Variants in ESYT3 observed in about 807,000 individuals in gnomAD.
ESYT3 encodes extended synaptotagmin-3.
In ESYT3, 101 loss-of-function variants were observed where a neutral mutation model predicts 111.5. The ratio of observed to expected loss-of-function variants is 0.91; its 90% confidence interval spans 0.77 to 1.07. The LOEUF is 1.07. ESYT3 is among the 50% of genes least tolerant of loss of function. The pLI, the probability that ESYT3 is intolerant of heterozygous loss-of-function variation, is 0.00. For missense variants in ESYT3, 1,097 were observed against 1,109.4 expected, an observed-to-expected ratio of 0.99 and a Z score of 0.16; for synonymous variants, 416 against 446.8, an observed-to-expected ratio of 0.93 and a Z score of 0.87.
intron 19 of ESYT3, 41 bp from the exon 20 acceptor site, chr3:138,474,180 G>GC (rs751354037): frequency 1.5e-5 from 24 of 1,578,564 alleles, no homozygotes; most frequent in African/African-American, 5.7e-5. Context: ...GAAAACCAGG[G>GC]CCCTTTTTTT....
At chr3:138,442,290 T>C (rs1048120828) in intron 1 of ESYT3, among the ~76,000 whole-genome samples, 5 of 152,178 alleles carry the variant, frequency 3.3e-5, no homozygotes, top group Non-Finnish European at 7.4e-5. Context: ...CTTAAAAACT[T>C]GTACTTTTTT....
chr3:138,462,506 A>G (rs2032704042), intron 8 of ESYT3: 2 of 525,562 alleles, frequency 3.8e-6, no homozygotes, highest in Non-Finnish European at 3.4e-6. Flanking sequence ...CTCCATTTTT[A>G]GGGTTTTATA....
intron 19 of ESYT3, 147 bp downstream of exon 19, chr3:138,473,781 C>A: frequency 1.4e-6 from 1 of 725,318 alleles, no homozygotes; most frequent in Non-Finnish European, 2.2e-6. Context: ...GGCCTGAACA[C>A]TGTAATCAAG....
In ESYT3 at chr3:138,464,376, A is replaced by G; in HGVS notation, c.947A>G (p.Glu316Gly). Residue 316 changes from glutamate (E) to glycine (G), a missense_variant, in exon 9 of 23, where the codon GAG becomes GGG. By Grantham distance (98) the Glu-to-Gly change is moderately conservative. Transcript: ENST00000389567. ...GVIRVHLLEAEQLAQKDNFLG... is the reference protein window; with the variant it reads ...GVIRVHLLEAGQLAQKDNFLG... The stretch of plus-strand genomic sequence containing the variant: ...ATCAGAGTGCACTTGCTGGAGGCAG[A>G]GCAGCTGGCCCAGAAGGACAACTTT... The G allele has an allele frequency of 6.2e-7, 1 of 1,614,158 alleles. No homozygotes were observed. The highest frequency in any genetic ancestry group is 8.5e-7 in the Non-Finnish European group (1 of 1,179,976).
At position 138,471,043 on chromosome 3, in the gene ESYT3, C is replaced by T. The variant is rs1156420275; in HGVS notation, c.1740+17C>T. ...GTGCTTCGGGTAAATCTCTCCGGTC[C>T]CCTGGGGGAGGGGAGGAATAGAGCT... On this transcript the variant is annotated intron_variant, in intron 17 of 22. Transcript: ENST00000389567. The T allele has an allele frequency of 3.1e-6, 5 of 1,607,030 alleles. No individual in the cohort carries two copies. The highest frequency in any genetic ancestry group is 4.3e-6 in the Non-Finnish European group (5 of 1,174,568).
chr3:138,458,307 G>A (rs2032411554), intron 4 of ESYT3, among the ~76,000 whole-genome samples: 1 of 152,210 alleles, frequency 6.6e-6, no homozygotes, highest in African/African-American at 2.4e-5. Context: ...CCCATTTAGG[G>A]GCTGGTCCCA....
chr3:138,460,481 G>A, intron 6 of ESYT3, 130 bp from the exon 7 acceptor site: 1 of 984,842 alleles, frequency 1.0e-6, no homozygotes, highest in Non-Finnish European at 1.6e-6. Flanking sequence ...TGCTCTGCCT[G>A]CTTTCCTCCG....
intron 1 of ESYT3, among the ~76,000 whole-genome samples, chr3:138,451,324 T>C (rs926487783): frequency 2.0e-5 from 3 of 152,038 alleles, no homozygotes; most frequent in African/African-American, 7.2e-5. Flanking sequence ...GGAGCCAAGG[T>C]GGGCAGAGGT....
intron 17 of ESYT3, 78 bp from the exon 18 acceptor site, chr3:138,472,285 A>ATTTC (rs1350907717): frequency 6.5e-7 from 1 of 1,540,930 alleles, no homozygotes; most frequent in Admixed American, 2.0e-5. Flanking sequence ...ACTGAGGGGA[A>ATTTC]AGGGGGAACG....
At chr3:138,446,495 C>A (rs185418976) in intron 1 of ESYT3, among the ~76,000 whole-genome samples, 28 of 152,182 alleles carry the variant, frequency 1.8e-4, no homozygotes, top group Non-Finnish European at 3.4e-4. Context: ...ATGCAACTGG[C>A]CAAGTCTTGA....
chr3:138,472,993 G>A, intron 18 of ESYT3, 134 bp downstream of exon 18: 6 of 1,501,564 alleles, frequency 4.0e-6, no homozygotes, highest in Non-Finnish European at 1.8e-6. Context: ...GAGGCAGCAT[G>A]GTGTGGTAGA....
intron 1 of ESYT3, among the ~76,000 whole-genome samples, chr3:138,438,241 G>C (rs1455657885): frequency 6.6e-6 from 1 of 152,140 alleles, no homozygotes; most frequent in Non-Finnish European, 1.5e-5. Flanking sequence ...GACCTCCTTT[G>C]GTATCAAGAA....
At chr3:138,453,846 T>C (rs1043398206) in intron 2 of ESYT3, among the ~76,000 whole-genome samples, 3 of 152,198 alleles carry the variant, frequency 2.0e-5, no homozygotes, top group Non-Finnish European at 2.9e-5. Flanking sequence ...ATGTTCTCTG[T>C]TCTTTTGCTG....
chr3:138,469,162 T>C (rs1443412073), intron 14 of ESYT3: 1 of 595,174 alleles, frequency 1.7e-6, no homozygotes, highest in Non-Finnish European at 3.0e-6. Flanking sequence ...CACACTGTTT[T>C]CATAGCCCCA....
chr3:138,448,827 CGGCTCACT>C (rs771931519), intron 1 of ESYT3, among the ~76,000 whole-genome samples: 1 of 152,192 alleles, frequency 6.6e-6, no homozygotes, highest in Non-Finnish European at 1.5e-5. Context: ...TCTTGCACCT[CGGCTCACT>C]GGGAGTGAAG....
chr3:138,470,905 T>A lies in ESYT3; in HGVS notation c.1619T>A (p.Leu540Gln), dbSNP rs1272374153. 1 of 1,614,176 alleles carries A rather than the reference T, an allele frequency of 6.2e-7. No individual in the cohort carries two copies. Among genetic ancestry groups the A allele is most frequent in the South Asian group, 1.1e-5 (1 of 91,078 alleles). The change falls in exon 17 of 23, where the codon CTG (leucine) becomes CAG (glutamine). Residue 540 changes from leucine (L) to glutamine (Q), a missense_variant. By Grantham distance (113) the Leu-to-Gln change is moderately radical. Coordinates refer to ENST00000389567, the MANE Select transcript of ESYT3 (RefSeq NM_031913.5). ...CTTGATGATGACCAGGAGTGTGCTC[T>A]GGGAATGCTGGAGGTCCCCCTGTGC... ...KVLDDDQECA[L>Q]GMLEVPLCQI...
intron 1 of ESYT3, among the ~76,000 whole-genome samples, chr3:138,442,107 G>A (rs1321347691): frequency 2.1e-5 from 3 of 145,128 alleles, no homozygotes; most frequent in African/African-American, 8.4e-5. Flanking sequence ...GTTATAAAAT[G>A]TCTAAAAATG....
Position 138,467,560 on chromosome 3 carries a change from G to C in ESYT3, c.1170-1G>C. ...CAATCCCCTCTCCCTGTATATTCCA[G>C]CCTGCAGATCTGCCTTGGAGATGTC... is the stretch of plus-strand genomic sequence containing the variant. On this transcript the variant is annotated splice_acceptor_variant, in intron 10 of 22. Transcript: ENST00000389567. LOFTEE classifies it high-confidence loss of function. 6.2e-7 allele frequency: 1 copy of C among 1,614,122 alleles called. No individual in the cohort carries two copies. The highest frequency in any genetic ancestry group is 1.1e-5 in the South Asian group (1 of 91,082).
intron 4 of ESYT3, among the ~76,000 whole-genome samples, chr3:138,457,921 G>GA (rs2032389576): frequency 6.6e-6 from 1 of 152,194 alleles, no homozygotes; most frequent in East Asian, 1.9e-4. Context: ...GTGATAAGAA[G>GA]ATGTGAAGTC....
Sources: gnomAD v4.1 joint callset for allele counts (sites outside exome capture counted in the v4.1 genomes callset) on GRCh38, gnomAD v4.1.1 for gene constraint, MANE v1.5 for transcripts, NCBI Gene and HGNC (gene_info 2026-07-23, HGNC 2026-07-21) for gene names.